SYT13: variants seen among roughly 807,000 people sequenced by gnomAD.
SYT13 encodes synaptotagmin-13.
A neutral mutation model predicts 38.6 loss-of-function variants in SYT13; 21 were observed. The ratio of observed to expected loss-of-function variants is 0.54; its 90% CI spans 0.39 to 0.78. The LOEUF is 0.78. SYT13 is among the 30% of genes least tolerant of loss of function. SYT13 has a pLI of 0.00. For missense variants in SYT13, 495 were observed against 548.7 expected, an observed-to-expected ratio of 0.90 and a Z score of 0.98; for synonymous variants, 241 against 237.6, an observed-to-expected ratio of 1.01 and a Z score of -0.13.
At chr11:45,251,527 G>C (rs1854674979) in intron 4 of SYT13, among the ~76,000 whole-genome samples, 1 of 151,798 alleles carries the variant, frequency 6.6e-6, no homozygotes, top group African/African-American at 2.4e-5. Context: ...ACAGTCTTTA[G>C]ATCAGTATAG....
In SYT13 at chr11:45,275,318, G is replaced by A. The variant is rs189257539; in HGVS notation, c.183+10707C>T. 2.0e-4 allele frequency among the ~76,000 whole-genome samples: 31 copies of A among 152,272 alleles called. No individual in the cohort carries two copies. The East Asian group carries it at 5.6e-3, about 28-fold the overall frequency. ...CAATGAAATATGTCAAAATATTCTA[G>A]GGTCTATGCCAGATGGACTGACTCA... On this transcript the variant is annotated intron_variant, in intron 1 of 5. Coordinates refer to ENST00000020926, the MANE Select transcript of SYT13 (RefSeq NM_020826.3).
chr11:45,277,743 G>C (rs1855026958), intron 1 of SYT13, among the ~76,000 whole-genome samples: 1 of 152,086 alleles, frequency 6.6e-6, no homozygotes, highest in Admixed American at 6.5e-5. Flanking sequence ...CTCGCAGTTT[G>C]GCCATCACTC....
chr11:45,286,258 G>C lies in SYT13; in HGVS notation c.-51C>G, dbSNP rs1450393504. ...GGTCCCGCAGCCGCTCACCTTCCCC[G>C]GGCCGGGCCCGCCTCCAGGCAGCTC... is the stretch of plus-strand genomic sequence containing the variant. On this transcript the variant is annotated 5_prime_UTR_variant, in exon 1 of 6. Transcript: ENST00000020926. 13 of 1,474,832 alleles carry C rather than the reference G, an allele frequency of 8.8e-6. No homozygotes were observed. Among genetic ancestry groups the C allele is most frequent in the African/African-American group, 1.4e-5 (1 of 70,194 alleles). The allele number at this position is 1,474,832 out of a possible 1,614,324, so 91.4% of individuals were successfully genotyped here.
In SYT13 at chr11:45,255,674, G is replaced by A; in HGVS notation, c.401C>T (p.Pro134Leu). Residue 134 changes from proline (P) to leucine (L), a missense_variant, in exon 2 of 6, where the codon CCT becomes CTT. Transcript: ENST00000020926. ...RQVTEELFIL[P>L]QNGVVEDVCV... ...GGGCAGGAGACCCCTACCATTCTGA[G>A]GGAGGATGAACAGCTCCTCTGTGAC... The A allele has an allele frequency of 6.2e-7, 1 of 1,614,048 alleles. No homozygotes were observed. Among genetic ancestry groups the A allele is most frequent in the Non-Finnish European group, 8.5e-7 (1 of 1,179,988 alleles).
chr11:45,250,368 C>G (rs1179644069), intron 4 of SYT13, among the ~76,000 whole-genome samples: 4 of 152,214 alleles, frequency 2.6e-5, no homozygotes, highest in Non-Finnish European at 5.9e-5. Flanking sequence ...GGCACAGCGC[C>G]TGGCACATGG....
chr11:45,273,988 T>A (rs1175227761), intron 1 of SYT13, among the ~76,000 whole-genome samples: 1 of 152,184 alleles, frequency 6.6e-6, no homozygotes, highest in East Asian at 1.9e-4. Flanking sequence ...CATATAACCT[T>A]AGAGAACCTT....
At chr11:45,254,130 G>A in intron 3 of SYT13, 140 bp downstream of exon 3, 1 of 939,192 alleles carries the variant, frequency 1.1e-6, no homozygotes, top group Non-Finnish European at 1.5e-6. Context: ...TTGTGTCTAA[G>A]CTCCATGTGT....
chr11:45,256,644 G>C (rs1168025332), intron 1 of SYT13, among the ~76,000 whole-genome samples: 1 of 152,074 alleles, frequency 6.6e-6, no homozygotes, highest in African/African-American at 2.4e-5. Flanking sequence ...TTGGTCATAG[G>C]CTGGCCTGTT....
At chr11:45,276,200 A>C (rs1855008159) in intron 1 of SYT13, among the ~76,000 whole-genome samples, 1 of 152,228 alleles carries the variant, frequency 6.6e-6, no homozygotes, top group South Asian at 2.1e-4. Context: ...CAGCAATGAT[A>C]GACTGAATAA....
intron 1 of SYT13, among the ~76,000 whole-genome samples, chr11:45,270,180 G>C (rs1854932978): frequency 6.6e-6 from 1 of 152,074 alleles, no homozygotes; most frequent in South Asian, 2.1e-4. Flanking sequence ...TTTACTAGGG[G>C]CTCACATTTT....
At chr11:45,275,136 C>T (rs1485169027) in intron 1 of SYT13, among the ~76,000 whole-genome samples, 1 of 152,160 alleles carries the variant, frequency 6.6e-6, no homozygotes, top group East Asian at 1.9e-4. Flanking sequence ...CAGATCCCTA[C>T]CTCCTCATTT....
rs1344778916 is a variant in SYT13, at chr11:45,265,578, C to G, written c.184-9687G>C. Among the ~76,000 whole-genome samples the G allele has an allele frequency of 7.2e-5, 11 of 152,192 alleles. No homozygotes were observed. In the East Asian group the frequency reaches 2.1e-3, roughly 29 times the overall value. ...TGGTGAATCTGGTATCTGGGGAAAG[C>G]CCACTTCCCGGTTTGCAGAGAGCCA... is the stretch of plus-strand genomic sequence containing the variant. On this transcript the variant is annotated intron_variant, in intron 1 of 5. Coordinates refer to ENST00000020926, the MANE Select transcript of SYT13 (RefSeq NM_020826.3).
intron 1 of SYT13, among the ~76,000 whole-genome samples, chr11:45,256,778 G>A (rs1198305231): frequency 6.6e-6 from 1 of 152,166 alleles, no homozygotes; most frequent in Non-Finnish European, 1.5e-5. Context: ...TGTTTGTCCT[G>A]CCTTCAAATC....
intron 1 of SYT13, among the ~76,000 whole-genome samples, chr11:45,257,030 T>C (rs997852966): frequency 4.6e-5 from 7 of 152,228 alleles, no homozygotes; most frequent in African/African-American, 1.7e-4. Flanking sequence ...GTTTGTGCAC[T>C]GCACAAAAAT....
chr11:45,254,033 G>T (rs1854711694), intron 3 of SYT13: 1 of 381,790 alleles, frequency 2.6e-6, no homozygotes, highest in Non-Finnish European at 4.6e-6. Flanking sequence ...GAAGGAGTCT[G>T]GTCCTTGAAT....
At position 45,252,825 on chromosome 11, in the gene SYT13, G is replaced by A; in HGVS notation, c.545-103C>T. On this transcript the variant is annotated intron_variant, in intron 3 of 5. Transcript: ENST00000020926. The surrounding 1 kb of genome is among the most constrained non-coding windows in gnomAD (Gnocchi z 4.3). Reference sequence around the variant, plus strand: ...GCTGTGGAATCCAGCTTAACGACGTGACCTTGGGTGTCAGAAAGGCTGACC... The same window carrying A: ...GCTGTGGAATCCAGCTTAACGACGTAACCTTGGGTGTCAGAAAGGCTGACC... The A allele has an allele frequency of 1.5e-6, 2 of 1,312,296 alleles. No homozygotes were observed. The highest frequency in any genetic ancestry group is 2.3e-4 in the Middle Eastern group (1 of 4,378). 81.3% of individuals were successfully genotyped at this position (1,312,296 alleles called of 1,614,324 possible). A position where few individuals can be genotyped will look rare whatever the true frequency, so the allele number is the denominator to read the frequency against.
chr11:45,255,733 G>T lies in SYT13; in HGVS notation c.342C>A (p.Pro114=), dbSNP rs1486260246. Residue 114 remains proline (P), a synonymous_variant, in exon 2 of 6, where the codon CCC becomes CCA. Transcript: ENST00000020926. The stretch of plus-strand genomic sequence containing the variant: ...TGAGGCGACTGTCATTCGGGGGTTG[G>T]GGGCTGGCAGGTGCAGTGGGCTCCT... ...STEEPTAPAS[P]QPPNDSRLKR... is the part of the protein sequence containing the mutation. The T allele has an allele frequency of 6.2e-7, 1 of 1,613,990 alleles. No individual in the cohort carries two copies. The highest frequency in any genetic ancestry group is 2.2e-5 in the East Asian group (1 of 44,884).
intron 1 of SYT13, among the ~76,000 whole-genome samples, chr11:45,258,006 G>T (rs549068928): frequency 6.6e-6 from 1 of 152,334 alleles, no homozygotes; most frequent in East Asian, 1.9e-4. Context: ...AGATTATAAG[G>T]TAACCCAAGC....
At chr11:45,245,301 C>T (rs1294271187) in intron 5 of SYT13, among the ~76,000 whole-genome samples, 2 of 152,146 alleles carry the variant, frequency 1.3e-5, no homozygotes, top group Non-Finnish European at 2.9e-5. Context: ...ATAATTGTTA[C>T]TTTGTATTTA....
Sources: allele counts gnomAD v4.1 joint callset (sites outside exome capture counted in the v4.1 genomes callset), GRCh38; gene constraint gnomAD v4.1.1; non-coding constraint Gnocchi (gnomAD v3.1); transcripts MANE v1.5; gene names NCBI Gene and HGNC (gene_info 2026-07-23, HGNC 2026-07-21).